The following CACNA1C variants were observed in gnomAD, a reference collection of about 807,000 sequenced individuals.
CACNA1C encodes voltage-dependent L-type calcium channel subunit alpha-1C.
A neutral mutation model predicts 229.0 loss-of-function variants in CACNA1C; 30 were observed. That is an observed-to-expected ratio of 0.13 (90% CI 0.10 to 0.18). The LOEUF (loss-of-function observed/expected upper bound fraction) is 0.18. Among genes scored for constraint, CACNA1C ranks in the 10% least tolerant of loss-of-function variants. CACNA1C has a pLI of 1.00. For missense variants in CACNA1C, 1,658 were observed against 2,845.0 expected (o/e 0.58, Z 9.49); for synonymous variants, 1,114 against 1,132.5 (o/e 0.98, Z 0.33).
In CACNA1C at chr12:2,354,938, G is replaced by A. The variant is rs1297824747; in HGVS notation, c.478-94038G>A. On this transcript the variant is annotated intron_variant, in intron 3 of 46. Coordinates refer to ENST00000399655, the MANE Select transcript of CACNA1C (RefSeq NM_000719.7). This position sits in a 1 kb window ranked among gnomAD's most constrained non-coding sequence, Gnocchi z 4.6. ...AGGTGTGCACTTGGGCAGGCTGAGC[G>A]ACCTGAGTGAAATGAAGCCAAATCC... Among the ~76,000 whole-genome samples the A allele has an allele frequency of 6.6e-6, 1 of 151,998 alleles. No homozygotes were observed. The highest frequency in any genetic ancestry group is 1.5e-5 in the Non-Finnish European group (1 of 68,004).
At chr12:2,185,932 G>A (rs1298249486) in intron 3 of CACNA1C, among the ~76,000 whole-genome samples, 4 of 152,138 alleles carry the variant, frequency 2.6e-5, no homozygotes, top group African/African-American at 9.7e-5. Flanking sequence ...TGGCTGTCCC[G>A]TGCCGAGCGC....
chr12:2,393,706 C>T (rs55902113), intron 3 of CACNA1C, among the ~76,000 whole-genome samples: 26,877 of 152,136 alleles, frequency 0.18, 2,748 homozygotes, highest in African/African-American at 0.27. Flanking sequence ...GGTTTAAATC[C>T]TTGGCAGGTA....
At chr12:2,628,150 G>C (rs2088074988) in intron 29 of CACNA1C, among the ~76,000 whole-genome samples, 1 of 152,204 alleles carries the variant, frequency 6.6e-6, no homozygotes, top group African/African-American at 2.4e-5. Context: ...TGCGGCCTCT[G>C]CTCTGGGCAG....
In CACNA1C at chr12:2,630,828, A is replaced by G. The variant is rs1372620800; in HGVS notation, c.3829-3469A>G. Among the ~76,000 whole-genome samples the G allele has an allele frequency of 6.6e-6, 1 of 152,190 alleles. No individual in the cohort carries two copies. Among genetic ancestry groups the G allele is most frequent in the Non-Finnish European group, 1.5e-5 (1 of 68,026 alleles). ...CAGATGTCAGTCTAAAGCCTGGAGT[A>G]GCACAGCCTGCTGAGGACAAGTGTG... On this transcript the variant is annotated intron_variant, in intron 29 of 46. Coordinates refer to ENST00000399655, the MANE Select transcript of CACNA1C (RefSeq NM_000719.7). The surrounding 1 kb of genome is among the most constrained non-coding windows in gnomAD (Gnocchi z 5.4).
At position 2,215,505 on chromosome 12, in the gene CACNA1C, A is replaced by G. The variant is rs932317761; in HGVS notation, c.477+95075A>G. Among the ~76,000 whole-genome samples, 11 of 152,130 alleles carry G rather than the reference A, an allele frequency of 7.2e-5. No individual in the cohort carries two copies. Among genetic ancestry groups the G allele is most frequent in the African/African-American group, 2.7e-4 (11 of 41,442 alleles). On this transcript the variant is annotated intron_variant, in intron 3 of 46. Coordinates refer to ENST00000399655, the MANE Select transcript of CACNA1C (RefSeq NM_000719.7). The surrounding 1 kb of genome is among the most constrained non-coding windows in gnomAD (Gnocchi z 5.0). ...TCCTTCCTCGGGGCCTGATTCCTCC[A>G]GCTCATGCTCTGTCTTTCCTCAGAG...
intron 3 of CACNA1C, among the ~76,000 whole-genome samples, chr12:2,306,255 C>T (rs1291182062): frequency 6.6e-6 from 1 of 152,214 alleles, no homozygotes; most frequent in Admixed American, 6.5e-5. Flanking sequence ...GGCTCTGGTC[C>T]ATGGTGGGAA....
intron 3 of CACNA1C, among the ~76,000 whole-genome samples, chr12:2,186,541 T>C (rs2097017275): frequency 6.6e-6 from 1 of 152,142 alleles, no homozygotes; most frequent in South Asian, 2.1e-4. Context: ...CTAAAAACCC[T>C]GGGGGTCAGG....
At chr12:2,553,687 G>A (rs2042555848) in intron 10 of CACNA1C, among the ~76,000 whole-genome samples, 1 of 152,262 alleles carries the variant, frequency 6.6e-6, no homozygotes, top group Non-Finnish European at 1.5e-5. Context: ...GAAGGCCCAG[G>A]CGGTGTGGAG....
chr12:2,582,381 C>T (rs957980208), intron 14 of CACNA1C, among the ~76,000 whole-genome samples: 8 of 152,216 alleles, frequency 5.3e-5, no homozygotes, highest in African/African-American at 1.7e-4. Flanking sequence ...AAAAGCAGAT[C>T]GATTGAGAGG....
At chr12:2,197,335 C>T (rs1416194108) in intron 3 of CACNA1C, among the ~76,000 whole-genome samples, 1 of 152,194 alleles carries the variant, frequency 6.6e-6, no homozygotes. Flanking sequence ...GCCCCCATCC[C>T]CCTGCATCTT....
chr12:2,592,182 G>A (rs558634714), intron 18 of CACNA1C, among the ~76,000 whole-genome samples: 5 of 152,302 alleles, frequency 3.3e-5, no homozygotes, highest in Non-Finnish European at 5.9e-5. Context: ...AATAATAGGT[G>A]GTAAGGATCT....
intron 3 of CACNA1C, among the ~76,000 whole-genome samples, chr12:2,251,327 G>A (rs1013089294): frequency 6.6e-6 from 1 of 152,166 alleles, no homozygotes; most frequent in African/African-American, 2.4e-5. Flanking sequence ...GTCAATGGCT[G>A]GTCAGAGCTA....
intron 3 of CACNA1C, among the ~76,000 whole-genome samples, chr12:2,314,682 G>T (rs758915579): frequency 1.2e-4 from 19 of 152,108 alleles, no homozygotes; most frequent in Non-Finnish European, 2.1e-4. Context: ...ATGTTCATCG[G>T]TGTATAGTAT....
chr12:2,056,730 G>A (rs2055084537), intron 1 of CACNA1C, among the ~76,000 whole-genome samples: 1 of 152,148 alleles, frequency 6.6e-6, no homozygotes, highest in Non-Finnish European at 1.5e-5. Context: ...GATCCTGCAT[G>A]GAGAAAACTG....
intron 1 of CACNA1C, among the ~76,000 whole-genome samples, chr12:2,032,023 A>G (rs375233313): frequency 2.0e-5 from 3 of 151,210 alleles, no homozygotes; most frequent in Admixed American, 1.3e-4. Context: ...GTCTGTGTGT[A>G]TGTGTTTGGA....
At chr12:2,239,463 C>T (rs1317162305) in intron 3 of CACNA1C, among the ~76,000 whole-genome samples, 2 of 152,122 alleles carry the variant, frequency 1.3e-5, no homozygotes, top group African/African-American at 2.4e-5. Context: ...CTGCCCAGTC[C>T]CTGACGTCAA....
Position 2,415,533 on chromosome 12 carries a change from G to C in CACNA1C, c.478-33443G>C, listed in dbSNP as rs540962725. On this transcript the variant is annotated intron_variant, in intron 3 of 46. Transcript: ENST00000399655. ...CCACAGAAAATGAAAATAAAAAACA[G>C]TACTGGCAGCAGGAATAACACCACC... Among the ~76,000 whole-genome samples, 12 of 152,298 alleles carry C rather than the reference G, an allele frequency of 7.9e-5. No individual in the cohort carries two copies. The South Asian group carries it at 2.3e-3, about 29-fold the overall frequency.
chr12:2,635,259 G>T (rs2092349896), intron 30 of CACNA1C, among the ~76,000 whole-genome samples: 3 of 152,152 alleles, frequency 2.0e-5, no homozygotes, highest in African/African-American at 7.2e-5. Flanking sequence ...CTTCTCCCAA[G>T]AGGTGCCTCC....
chr12:2,686,493 G>A (rs2097501024), intron 45 of CACNA1C, among the ~76,000 whole-genome samples: 1 of 152,246 alleles, frequency 6.6e-6, no homozygotes, highest in African/African-American at 2.4e-5. Flanking sequence ...GGAAGTGCTG[G>A]TGCACAGGAG....
Sources: gnomAD v4.1 joint callset for allele counts (sites outside exome capture counted in the v4.1 genomes callset) on GRCh38, gnomAD v4.1.1 for gene constraint, Gnocchi (gnomAD v3.1) non-coding constraint, MANE v1.5 for transcripts, NCBI Gene and HGNC (gene_info 2026-07-23, HGNC 2026-07-21) for gene names.